Variants in NTN4 observed in about 807,000 individuals in gnomAD.
NTN4 encodes netrin-4.
Under a neutral mutation model 73.6 loss-of-function variants are expected in NTN4, and 32 were observed. The observed-to-expected ratio is 0.44, with a 90% CI of 0.33 to 0.58. The LOEUF (loss-of-function observed/expected upper bound fraction) is 0.58. Ranked by LOEUF, NTN4 falls within the 20% of genes least tolerant of loss-of-function variation. The pLI is 0.04. For missense variants in NTN4, 654 were observed against 798.3 expected (o/e 0.82, Z 2.18); for synonymous variants, 258 against 287.5 (o/e 0.90, Z 1.04).
intron 2 of NTN4, among the ~76,000 whole-genome samples, chr12:95,784,183 A>G (rs2079151066): frequency 1.3e-5 from 2 of 152,208 alleles, no homozygotes. Flanking sequence ...TCAAAGATGG[A>G]AATTGGTGAC....
intron 2 of NTN4, among the ~76,000 whole-genome samples, chr12:95,747,817 G>A (rs1196540462): frequency 6.6e-6 from 1 of 151,862 alleles, no homozygotes; most frequent in Non-Finnish European, 1.5e-5. Context: ...TCATTAATAA[G>A]CAAAAATTCT....
At chr12:95,775,909 C>T (rs901969045) in intron 2 of NTN4, among the ~76,000 whole-genome samples, 3 of 152,206 alleles carry the variant, frequency 2.0e-5, no homozygotes, top group African/African-American at 7.2e-5. Flanking sequence ...GGAGGCACCC[C>T]CCAGTAGGGG....
At chr12:95,787,574 G>A in intron 1 of NTN4, 106 bp from the exon 2 acceptor site, 1 of 1,068,532 alleles carries the variant, frequency 9.4e-7, no homozygotes, top group Non-Finnish European at 1.4e-6. Flanking sequence ...AAGCGCTTGA[G>A]ACTTTCGATA....
At chr12:95,765,375 C>T (rs1180589861) in intron 2 of NTN4, among the ~76,000 whole-genome samples, 1 of 151,628 alleles carries the variant, frequency 6.6e-6, no homozygotes, top group Non-Finnish European at 1.5e-5. Flanking sequence ...AATGAGAAGA[C>T]ACAATTCTTG....
chr12:95,689,936 A>C (rs1341335137), intron 5 of NTN4, among the ~76,000 whole-genome samples: 1 of 152,118 alleles, frequency 6.6e-6, no homozygotes, highest in Non-Finnish European at 1.5e-5. Context: ...CATGGGCCTC[A>C]CTCACCTATC....
intron 2 of NTN4, among the ~76,000 whole-genome samples, chr12:95,749,274 C>A (rs990470223): frequency 6.6e-6 from 1 of 152,192 alleles, no homozygotes; most frequent in South Asian, 2.1e-4. Flanking sequence ...TTCACATGGA[C>A]GCGCATGAAA....
chr12:95,729,532 GA>G (rs1481674429), intron 3 of NTN4, among the ~76,000 whole-genome samples: 5 of 151,782 alleles, frequency 3.3e-5, no homozygotes, highest in Non-Finnish European at 7.4e-5. Context: ...TTAAGGTTTT[GA>G]ATGTCAACAT....
intron 2 of NTN4, among the ~76,000 whole-genome samples, chr12:95,765,596 T>C (rs1392235835): frequency 6.6e-6 from 1 of 152,186 alleles, no homozygotes; most frequent in Non-Finnish European, 1.5e-5. Context: ...GAAGGCATTT[T>C]GTGTCCATTT....
intron 7 of NTN4, chr12:95,672,598 CG>C: frequency 6.5e-7 from 1 of 1,527,016 alleles, no homozygotes; most frequent in Non-Finnish European, 9.0e-7. Flanking sequence ...TGACCGATCT[CG>C]GTAAAGCAGA....
intron 5 of NTN4, among the ~76,000 whole-genome samples, chr12:95,699,685 C>T (rs2078468740): frequency 6.6e-6 from 1 of 151,528 alleles, no homozygotes; most frequent in Non-Finnish European, 1.5e-5. Context: ...ATAGCTGGTT[C>T]ATTTGGGTAG....
chr12:95,660,154 C>T (rs1427034068), intron 9 of NTN4, among the ~76,000 whole-genome samples: 1 of 152,080 alleles, frequency 6.6e-6, no homozygotes, highest in African/African-American at 2.4e-5. Context: ...GCTGGGATTG[C>T]AGGCATGCAC....
At chr12:95,711,287 T>A (rs2078563752) in intron 4 of NTN4, among the ~76,000 whole-genome samples, 1 of 151,590 alleles carries the variant, frequency 6.6e-6, no homozygotes, top group Non-Finnish European at 1.5e-5. Flanking sequence ...GGCAGAGATA[T>A]TATGATGAAC....
At chr12:95,730,816 C>G (rs920267436) in intron 3 of NTN4, among the ~76,000 whole-genome samples, 2 of 152,168 alleles carry the variant, frequency 1.3e-5, no homozygotes, top group African/African-American at 4.8e-5. Flanking sequence ...AATTGGCAAG[C>G]TTTACATTTT....
At chr12:95,770,992 G>T (rs11108254) in intron 2 of NTN4, among the ~76,000 whole-genome samples, 11,188 of 68,228 alleles carry the variant, frequency 0.16, 1,902 homozygotes, top group African/African-American at 0.47. Context: ...AAAAGAATTT[G>T]TTTTTTTTTT....
At chr12:95,675,751 A>G (rs996542248) in intron 7 of NTN4, among the ~76,000 whole-genome samples, 1 of 152,232 alleles carries the variant, frequency 6.6e-6, no homozygotes, top group Non-Finnish European at 1.5e-5. Flanking sequence ...CGCTTTCAGA[A>G]TCAGGCAGCA....
At chr12:95,661,249 C>T (rs2078135747) in intron 9 of NTN4, among the ~76,000 whole-genome samples, 1 of 152,190 alleles carries the variant, frequency 6.6e-6, no homozygotes, top group Non-Finnish European at 1.5e-5. Flanking sequence ...TTTATCCTGT[C>T]TTTACAGTAA....
chr12:95,741,756 T>C (rs1369370489), intron 2 of NTN4, among the ~76,000 whole-genome samples: 1 of 151,258 alleles, frequency 6.6e-6, no homozygotes, highest in Non-Finnish European at 1.5e-5. Flanking sequence ...TGTAATAAAA[T>C]TTATGTAAAT....
chr12:95,661,365 A>T (rs2078136756), intron 9 of NTN4, among the ~76,000 whole-genome samples: 1 of 152,220 alleles, frequency 6.6e-6, no homozygotes, highest in South Asian at 2.1e-4. Context: ...TTAGAAAAAC[A>T]TCATTTCTCA....
intron 3 of NTN4, among the ~76,000 whole-genome samples, chr12:95,718,106 TTACTTTGGTGATAATA>T (rs1229899602): frequency 2.0e-5 from 3 of 152,236 alleles, no homozygotes; most frequent in Non-Finnish European, 4.4e-5. Flanking sequence ...TAAGAGCTGT[TTACTTTGGTGATAATA>T]TCATATATTA....
Sources: allele counts gnomAD v4.1 joint callset (sites outside exome capture counted in the v4.1 genomes callset), GRCh38; gene constraint gnomAD v4.1.1; transcripts MANE v1.5; gene names NCBI Gene and HGNC (gene_info 2026-07-23, HGNC 2026-07-21).